The following RSPO2 variants were observed in gnomAD, a reference collection of about 807,000 sequenced individuals.
The protein encoded by RSPO2 is R-spondin 2.
In RSPO2, 14 loss-of-function variants were observed where a neutral mutation model predicts 30.9. The ratio of observed to expected loss-of-function variants is 0.45; its 90% CI spans 0.30 to 0.71. RSPO2 has a LOEUF of 0.71. RSPO2 is among the 30% of genes least tolerant of loss of function. RSPO2 has a pLI of 0.08. For synonymous variants in RSPO2, 107 were observed against 96.4 expected (o/e 1.11, Z -0.64); for missense variants, 264 against 301.9 (o/e 0.87, Z 0.93).
chr8:108,048,614 A>C (rs189504521), intron 2 of RSPO2, among the ~76,000 whole-genome samples: 68 of 152,190 alleles, frequency 4.5e-4, no homozygotes, highest in African/African-American at 1.5e-3. Flanking sequence ...CTTTTCAAAA[A>C]ACCCGCTCCT....
chr8:108,019,687 C>T (rs1810999557), intron 2 of RSPO2, among the ~76,000 whole-genome samples: 3 of 152,086 alleles, frequency 2.0e-5, no homozygotes, highest in South Asian at 2.1e-4. Flanking sequence ...CGTTTGTTAA[C>T]CTGTGTGACA....
At chr8:108,056,623 C>CAAAAAAAAAA (rs56256415) in intron 2 of RSPO2, among the ~76,000 whole-genome samples, 31 of 71,542 alleles carry the variant, frequency 4.3e-4, no homozygotes, top group African/African-American at 7.6e-4. Context: ...AGACCCGTCT[C>CAAAAAAAAAA]AAAAAAAAAA....
intron 2 of RSPO2, among the ~76,000 whole-genome samples, chr8:108,011,027 G>A (rs1396644339): frequency 6.6e-6 from 1 of 151,490 alleles, no homozygotes; most frequent in African/African-American, 2.4e-5. Flanking sequence ...CAGCTACTCA[G>A]GAGGATGAAG....
rs866474809 is a variant in RSPO2, at chr8:108,003,323, T to C, written c.95-14079A>G. On this transcript the variant is annotated intron_variant, in intron 2 of 5. Transcript: ENST00000276659. ...TATATATATATATATTTTTTTTTTT[T>C]TTTTTTTTTTTTTTAAGTAGAGACG... Among the ~76,000 whole-genome samples the C allele has an allele frequency of 3.7e-4, 26 of 71,118 alleles. 1 individual carries two copies. In the South Asian group the frequency reaches 0.018, roughly 48 times the overall value. The allele number at this position is 71,118 out of a possible 152,430, so 46.7% of individuals were successfully genotyped here. A position where few individuals can be genotyped will look rare whatever the true frequency, so the allele number is the denominator to read the frequency against.
At chr8:108,049,096 C>T (rs1430479331) in intron 2 of RSPO2, among the ~76,000 whole-genome samples, 1 of 151,614 alleles carries the variant, frequency 6.6e-6, no homozygotes, top group South Asian at 2.1e-4. Context: ...TGAGGCCTGT[C>T]GGAGGGTGGG....
chr8:108,016,659 T>A (rs1312285929), intron 2 of RSPO2, among the ~76,000 whole-genome samples: 1 of 152,106 alleles, frequency 6.6e-6, no homozygotes, highest in Non-Finnish European at 1.5e-5. Context: ...GTTGATACGG[T>A]TTGGATGTGT....
At chr8:107,970,808 T>C (rs1813971043) in intron 3 of RSPO2, among the ~76,000 whole-genome samples, 1 of 152,206 alleles carries the variant, frequency 6.6e-6, no homozygotes, top group Non-Finnish European at 1.5e-5. Flanking sequence ...TACGAAGCCA[T>C]ATGTTTGGGC....
chr8:107,987,678 G>A (rs1814693316), intron 3 of RSPO2, among the ~76,000 whole-genome samples: 1 of 152,140 alleles, frequency 6.6e-6, no homozygotes, highest in South Asian at 2.1e-4. Context: ...AACACTCCAG[G>A]TGAGAGTTCT....
chr8:107,948,045 C>A (rs688754), intron 5 of RSPO2, among the ~76,000 whole-genome samples: 81,502 of 152,132 alleles, frequency 0.54, 23,952 homozygotes, highest in East Asian at 0.7. Context: ...TTCCTATTCC[C>A]TGGCAATGGC....
rs1021342666 is a variant in RSPO2, at chr8:108,046,865, C to G, written c.94+35680G>C. 2.0e-5 allele frequency among the ~76,000 whole-genome samples: 3 copies of G among 152,126 alleles called. No homozygotes were observed. The East Asian group carries it at 5.8e-4, about 29-fold the overall frequency. On this transcript the variant is annotated intron_variant, in intron 2 of 5. Coordinates refer to ENST00000276659, the MANE Select transcript of RSPO2 (RefSeq NM_178565.5). Reference sequence around the variant, plus strand: ...AAATAAAATAAACCATTCAGTTGTGCAGGCAAAACACCTTTTACCCAGTCA... The same window carrying G: ...AAATAAAATAAACCATTCAGTTGTGGAGGCAAAACACCTTTTACCCAGTCA...
At chr8:108,052,191 TC>T (rs1812098350) in intron 2 of RSPO2, among the ~76,000 whole-genome samples, 1 of 152,216 alleles carries the variant, frequency 6.6e-6, no homozygotes, top group Non-Finnish European at 1.5e-5. Flanking sequence ...TTTGCATGTT[TC>T]TATGAACTGA....
chr8:107,935,494 C>A lies in RSPO2; in HGVS notation c.616+22586G>T, dbSNP rs1456370972. On this transcript the variant is annotated intron_variant, in intron 5 of 5. Transcript: ENST00000276659. ...CTCTAATAGAAATTAGAGACAACTG[C>A]CCAAGCCAGTGGGGACAGTAAATCA... Among the ~76,000 whole-genome samples the A allele has an allele frequency of 2.6e-5, 4 of 152,006 alleles. No homozygotes were observed. The East Asian group carries it at 7.8e-4, about 30-fold the overall frequency.
At chr8:108,018,783 A>G (rs1810970627) in intron 2 of RSPO2, among the ~76,000 whole-genome samples, 1 of 152,202 alleles carries the variant, frequency 6.6e-6, no homozygotes, top group South Asian at 2.1e-4. Flanking sequence ...GTAAACACCC[A>G]TAGTTAAAAG....
chr8:107,951,440 A>AG (rs1308542391), intron 5 of RSPO2, among the ~76,000 whole-genome samples: 1 of 152,108 alleles, frequency 6.6e-6, no homozygotes, highest in Non-Finnish European at 1.5e-5. Context: ...TCCTGCACGG[A>AG]GGGGGAAAAA....
At chr8:108,079,069 T>C (rs1416884093) in intron 2 of RSPO2, among the ~76,000 whole-genome samples, 1 of 152,158 alleles carries the variant, frequency 6.6e-6, no homozygotes, top group African/African-American at 2.4e-5. Flanking sequence ...CCACTTAACA[T>C]ATAAATCAAT....
At chr8:107,965,293 T>C (rs1367149252) in intron 3 of RSPO2, among the ~76,000 whole-genome samples, 2 of 152,110 alleles carry the variant, frequency 1.3e-5, no homozygotes, top group African/African-American at 4.8e-5. Context: ...CCAAATACAG[T>C]CTGATGGGGC....
intron 2 of RSPO2, among the ~76,000 whole-genome samples, chr8:108,055,053 C>T (rs1436128087): frequency 6.6e-6 from 1 of 151,958 alleles, no homozygotes; most frequent in Non-Finnish European, 1.5e-5. Flanking sequence ...CCCAGGAGGT[C>T]GAGGCTACAG....
Position 107,960,751 on chromosome 8 carries a change from A to G in RSPO2, c.350T>C (p.Phe117Ser). ...AAAGCAACGGCCTCTATGCAAATAAAAGCCTACTTTGCACTTGGTACAAAA... is the reference window on the plus strand; with the variant it reads ...AAAGCAACGGCCTCTATGCAAATAAGAGCCTACTTTGCACTTGGTACAAAA... ...KDFCTKCKVGFYLHRGRCFDE... is the reference protein window; with the variant it reads ...KDFCTKCKVGSYLHRGRCFDE... Residue 117 changes from phenylalanine (F) to serine (S), a missense_variant, in exon 4 of 6, where the codon TTT becomes TCT. By Grantham distance (155) the Phe-to-Ser change is radical. Coordinates refer to ENST00000276659, the MANE Select transcript of RSPO2 (RefSeq NM_178565.5). The G allele has an allele frequency of 6.2e-7, 1 of 1,613,096 alleles. No homozygotes were observed. Among genetic ancestry groups the G allele is most frequent in the Non-Finnish European group, 8.5e-7 (1 of 1,179,318 alleles).
At chr8:107,936,387 T>C (rs1812723823) in intron 5 of RSPO2, among the ~76,000 whole-genome samples, 1 of 152,198 alleles carries the variant, frequency 6.6e-6, no homozygotes, top group African/African-American at 2.4e-5. Context: ...ATCTTTGCTA[T>C]TGTGAATAGT....
Sources: gnomAD v4.1 joint callset for allele counts (sites outside exome capture counted in the v4.1 genomes callset) on GRCh38, gnomAD v4.1.1 for gene constraint, MANE v1.5 for transcripts, NCBI Gene and HGNC (gene_info 2026-07-23, HGNC 2026-07-21) for gene names.